SLC25A21: variants seen among roughly 807,000 people sequenced by gnomAD.
SLC25A21 encodes mitochondrial 2-oxodicarboxylate carrier.
In SLC25A21, 47 loss-of-function variants were observed where a neutral mutation model predicts 43.8. The observed-to-expected ratio is 1.07, with a 90% confidence interval of 0.85 to 1.37. SLC25A21 has a LOEUF of 1.37. SLC25A21 is among the 40% of genes most tolerant of loss of function. The pLI is 0.00. For synonymous variants in SLC25A21, 131 were observed against 121.3 expected, an observed-to-expected ratio of 1.08 and a Z score of -0.52; for missense variants, 352 against 350.2, an observed-to-expected ratio of 1.00 and a Z score of -0.04.
chr14:36,988,159 C>T (rs1016109697), intron 1 of SLC25A21, among the ~76,000 whole-genome samples: 2 of 152,170 alleles, frequency 1.3e-5, no homozygotes, highest in African/African-American at 4.8e-5. Context: ...TACCCATCAC[C>T]TGTGTAATAT....
At chr14:36,697,477 G>A (rs1416455497) in intron 7 of SLC25A21, among the ~76,000 whole-genome samples, 2 of 152,132 alleles carry the variant, frequency 1.3e-5, no homozygotes, top group African/African-American at 4.8e-5. Flanking sequence ...TTAACCTTCT[G>A]TCTCGTTGAT....
At chr14:36,927,768 C>T (rs1892170571) in intron 1 of SLC25A21, among the ~76,000 whole-genome samples, 1 of 152,096 alleles carries the variant, frequency 6.6e-6, no homozygotes, top group Non-Finnish European at 1.5e-5. Flanking sequence ...GAAATCGCAA[C>T]CAGCTGACTT....
At position 36,924,236 on chromosome 14, in the gene SLC25A21, T is replaced by C. The variant is rs958088452; in HGVS notation, c.71-49232A>G. On this transcript the variant is annotated intron_variant, in intron 1 of 9. Coordinates refer to ENST00000331299, the MANE Select transcript of SLC25A21 (RefSeq NM_030631.4). ...AAAGACACATGCACATGTATGTTTATTGCAGCACTATTCACAATAGCAAAG... is the reference window on the plus strand; with the variant it reads ...AAAGACACATGCACATGTATGTTTACTGCAGCACTATTCACAATAGCAAAG... Among the ~76,000 whole-genome samples the C allele has an allele frequency of 2.6e-5, 4 of 152,284 alleles. No individual in the cohort carries two copies. The East Asian group carries it at 5.8e-4, about 22-fold the overall frequency.
intron 3 of SLC25A21, among the ~76,000 whole-genome samples, chr14:36,746,866 G>T (rs868697718): frequency 1.1e-4 from 17 of 151,992 alleles, no homozygotes; most frequent in African/African-American, 3.9e-4. Context: ...TTTCTCCAAG[G>T]ACCTTTCTCT....
At chr14:37,042,577 AAT>A (rs1313185576) in intron 1 of SLC25A21, among the ~76,000 whole-genome samples, 1 of 152,204 alleles carries the variant, frequency 6.6e-6, no homozygotes, top group Non-Finnish European at 1.5e-5. Context: ...TAATATGTAA[AAT>A]ATGTCTGTAG....
chr14:37,039,287 T>C (rs1961393790), intron 1 of SLC25A21, among the ~76,000 whole-genome samples: 1 of 152,216 alleles, frequency 6.6e-6, no homozygotes, highest in African/African-American at 2.4e-5. Flanking sequence ...ACAGACTGCA[T>C]ATATTTGAAA....
chr14:36,828,906 TTTTG>T (rs1888934104), intron 2 of SLC25A21, among the ~76,000 whole-genome samples: 2 of 152,126 alleles, frequency 1.3e-5, no homozygotes, highest in Non-Finnish European at 1.5e-5. Context: ...CCTTTCTTTG[TTTTG>T]TTTATTTGCT....
intron 1 of SLC25A21, among the ~76,000 whole-genome samples, chr14:36,878,403 G>A (rs1890609202): frequency 6.6e-6 from 1 of 152,100 alleles, no homozygotes; most frequent in South Asian, 2.1e-4. Flanking sequence ...CAGAAATGTT[G>A]GAAATTATAT....
At chr14:36,893,451 A>T (rs1247042238) in intron 1 of SLC25A21, among the ~76,000 whole-genome samples, 1 of 152,046 alleles carries the variant, frequency 6.6e-6, no homozygotes, top group Non-Finnish European at 1.5e-5. Flanking sequence ...TAGCCCTTTG[A>T]CAGATGAGTA....
intron 1 of SLC25A21, among the ~76,000 whole-genome samples, chr14:37,039,065 G>A (rs1461920448): frequency 1.3e-5 from 2 of 152,148 alleles, no homozygotes; most frequent in Non-Finnish European, 2.9e-5. Flanking sequence ...ACCATCTTAG[G>A]AGCAGAGAAC....
At chr14:36,686,214 T>C (rs148844542) in intron 7 of SLC25A21, among the ~76,000 whole-genome samples, 1 of 152,172 alleles carries the variant, frequency 6.6e-6, no homozygotes, top group Non-Finnish European at 1.5e-5. Flanking sequence ...AAGGGTTTGG[T>C]AATAATTCCT....
At chr14:36,896,593 G>A (rs2138590902) in intron 1 of SLC25A21, among the ~76,000 whole-genome samples, 1 of 152,252 alleles carries the variant, frequency 6.6e-6, no homozygotes, top group African/African-American at 2.4e-5. Flanking sequence ...GATGGTAGCT[G>A]GTTATTTTGC....
intron 1 of SLC25A21, among the ~76,000 whole-genome samples, chr14:37,158,326 TCCTCAACAAAATA>T (rs1400008538): frequency 4.5e-4 from 69 of 151,974 alleles, no homozygotes; most frequent in African/African-American, 1.6e-3. Flanking sequence ...GACATAAAAA[TCCTCAACAAAATA>T]CAAGCAAACT....
At chr14:37,030,911 G>A (rs993114070) in intron 1 of SLC25A21, among the ~76,000 whole-genome samples, 2 of 152,164 alleles carry the variant, frequency 1.3e-5, no homozygotes, top group Admixed American at 1.3e-4. Flanking sequence ...TCCCAAGGAT[G>A]CTTTTCTACC....
intron 1 of SLC25A21, among the ~76,000 whole-genome samples, chr14:36,912,196 T>C (rs1891704974): frequency 1.3e-5 from 2 of 152,162 alleles, no homozygotes; most frequent in Admixed American, 1.3e-4. Context: ...GGCAATGATG[T>C]TCACTCATTT....
At chr14:36,752,152 T>A (rs1027227535) in intron 3 of SLC25A21, among the ~76,000 whole-genome samples, 3 of 152,194 alleles carry the variant, frequency 2.0e-5, no homozygotes, top group African/African-American at 4.8e-5. Context: ...TTGCTCATCA[T>A]GAGGGAAATG....
intron 1 of SLC25A21, among the ~76,000 whole-genome samples, chr14:37,083,839 A>C (rs929604965): frequency 1.3e-5 from 2 of 152,174 alleles, no homozygotes; most frequent in African/African-American, 4.8e-5. Flanking sequence ...AAACCACTAC[A>C]CTATACATAC....
At chr14:36,876,928 G>GATAAATAA (rs148662571) in intron 1 of SLC25A21, among the ~76,000 whole-genome samples, 1 of 75,916 alleles carries the variant, frequency 1.3e-5, no homozygotes, top group East Asian at 2.8e-4. Context: ...TAGATAGATA[G>GATAAATAA]ATAGATAGAT....
intron 2 of SLC25A21, among the ~76,000 whole-genome samples, chr14:36,857,457 A>C (rs1889933473): frequency 6.6e-6 from 1 of 152,188 alleles, no homozygotes; most frequent in Non-Finnish European, 1.5e-5. Flanking sequence ...GCCAGGCGTA[A>C]ATATGGAGAA....
Sources: allele counts gnomAD v4.1 joint callset (sites outside exome capture counted in the v4.1 genomes callset), GRCh38; gene constraint gnomAD v4.1.1; transcripts MANE v1.5; gene names NCBI Gene and HGNC (gene_info 2026-07-23, HGNC 2026-07-21).